The following PIKFYVE variants were observed in gnomAD, a reference collection of about 807,000 sequenced individuals.
PIKFYVE encodes the protein 1-phosphatidylinositol 3-phosphate 5-kinase.
Under a neutral mutation model 257.9 loss-of-function variants are expected in PIKFYVE, and 122 were observed. The observed-to-expected ratio is 0.47, with a 90% CI of 0.41 to 0.55. The LOEUF (loss-of-function observed/expected upper bound fraction) is 0.55. Among genes scored for constraint, PIKFYVE ranks in the 20% least tolerant of loss-of-function variants. The probability of loss-of-function intolerance (pLI) is 0.00; values close to 1 mark genes in which losing one functional copy is unlikely to be tolerated. For missense variants in PIKFYVE, 2,160 were observed against 2,536.6 expected, an observed-to-expected ratio of 0.85 and a Z score of 3.19; for synonymous variants, 892 against 868.9, an observed-to-expected ratio of 1.03 and a Z score of -0.47.
At chr2:208,314,477 C>T in intron 14 of PIKFYVE, 54 bp downstream of exon 14, 1 of 1,548,402 alleles carries the variant, frequency 6.5e-7, no homozygotes, top group Non-Finnish European at 8.8e-7. Context: ...TCTTCAGTGA[C>T]TTGATAAGCA....
At chr2:208,328,415 T>C (rs916627962) in intron 21 of PIKFYVE, 135 bp downstream of exon 21, 12 of 1,047,234 alleles carry the variant, frequency 1.1e-5, no homozygotes, top group Non-Finnish European at 1.7e-5. Context: ...TATGAATTGA[T>C]AGAACTTTTA....
chr2:208,317,772 G>GT (rs1695715884), intron 15 of PIKFYVE, 95 bp from the exon 16 acceptor site: 10 of 1,222,670 alleles, frequency 8.2e-6, no homozygotes, highest in East Asian at 7.1e-5. Context: ...TTACATAATA[G>GT]TTTAAAAAAA....
chr2:208,302,676 T>C (rs990686726), intron 10 of PIKFYVE: 17 of 333,804 alleles, frequency 5.1e-5, no homozygotes, highest in Non-Finnish European at 5.8e-5. Flanking sequence ...TTAACTTTAA[T>C]GGTTTTTGGT....
chr2:208,298,770 A>C lies in PIKFYVE; in HGVS notation c.1041A>C (p.Lys347Asn). The C allele has an allele frequency of 6.2e-7, 1 of 1,614,056 alleles. No homozygotes were observed. Among genetic ancestry groups the C allele is most frequent in the Non-Finnish European group, 8.5e-7 (1 of 1,179,970 alleles). The change falls in exon 8 of 42, where the codon AAA becomes AAC. Residue 347 changes from lysine to asparagine, a missense_variant. By Grantham distance (94) the Lys-to-Asn change is moderately conservative (BLOSUM62 0). Around this residue, in one of 12 missense-constraint regions of PIKFYVE, gnomAD observed 187 missense variants for 185.6 expected, o/e 1.01. Coordinates refer to ENST00000264380, the MANE Select transcript of PIKFYVE (RefSeq NM_015040.4). ...CAGAGACCACTGAGGATGAACGCAA[A>C]ATTCTTCTGGTACTGGTCCAGTATC... ...VRTETTEDER[K>N]ILLDSVQLKD...
At chr2:208,326,737 A>G (rs1044485561) in intron 20 of PIKFYVE, among the ~76,000 whole-genome samples, 2 of 152,224 alleles carry the variant, frequency 1.3e-5, no homozygotes, top group African/African-American at 4.8e-5. Context: ...TGGATGTGGT[A>G]TGATAATCCT....
Position 208,273,623 on chromosome 2 carries a change from G to C in PIKFYVE, c.212G>C (p.Ser71Thr). 6.2e-7 allele frequency: 1 copy of C among 1,614,170 alleles called. No individual in the cohort carries two copies. The highest frequency in any genetic ancestry group is 8.5e-7 in the Non-Finnish European group (1 of 1,180,044). ...GGCCAGGGAGAACAGCAGCCTTTGA[G>C]TGGAAGTTGGACCAGCCCTCAGCTC... The part of the protein sequence containing the change: ...EGGQGEQQPL[S>T]GSWTSPQLPS... Residue 71 changes from serine (S) to threonine (T), a missense_variant, in exon 3 of 42, where the codon AGT (serine) becomes ACT (threonine). By Grantham distance (58) the Ser-to-Thr change is moderately conservative (BLOSUM62 1). Around this residue, in one of 12 missense-constraint regions of PIKFYVE, gnomAD observed 172 missense variants for 180.6 expected, o/e 0.95. Transcript: ENST00000264380.
intron 35 of PIKFYVE, among the ~76,000 whole-genome samples, chr2:208,349,602 TA>T (rs1181909039): frequency 2.0e-5 from 3 of 151,376 alleles, no homozygotes; most frequent in Non-Finnish European, 4.4e-5. Flanking sequence ...TTTTATAAAA[TA>T]ATATTTTATG....
At chr2:208,339,873 C>T (rs1163702659) in intron 30 of PIKFYVE, 138 bp from the exon 31 acceptor site, 17 of 1,078,426 alleles carry the variant, frequency 1.6e-5, no homozygotes, top group Admixed American at 2.5e-5. Flanking sequence ...GGTCTTTTCC[C>T]TTGATCAGAA....
chr2:208,299,789 T>C (rs1290067426), intron 8 of PIKFYVE, among the ~76,000 whole-genome samples: 3 of 152,242 alleles, frequency 2.0e-5, no homozygotes, highest in African/African-American at 7.2e-5. Context: ...CATAAAATAC[T>C]GTGTTCAATT....
rs1700201848 is a variant in PIKFYVE at position 208,357,090 on chromosome 2, TA to T, written c.*1790del. 1 of 152,236 alleles carries T rather than the reference TA, an allele frequency of 6.6e-6. No individual in the cohort carries two copies. Among genetic ancestry groups the T allele is most frequent in the South Asian group, 2.1e-4 (1 of 4,834 alleles). The allele number at this position is 152,236 out of a possible 1,614,324, so 9.4% of individuals were successfully genotyped here. ...ATGCTAAGTTCCACTTGGCCCCTTT[TA>T]AAAACGTGTATGTGCCTTTTGAAGA... is the stretch of plus-strand genomic sequence containing the variant. On this transcript the variant is annotated 3_prime_UTR_variant, in exon 42 of 42. Coordinates refer to ENST00000264380, the MANE Select transcript of PIKFYVE (RefSeq NM_015040.4).
chr2:208,329,850 C>T lies in PIKFYVE; in HGVS notation c.3728C>T (p.Thr1243Ile), dbSNP rs752007442. ...PSACVSPWIV[T>I]MEFYGKNDLT... Reference sequence around the variant, plus strand: ...GGTGGTCTCTTCTTTAGGATTGTAACAATGGAATTTTATGGAAAGAATGAT... The same window carrying T: ...GGTGGTCTCTTCTTTAGGATTGTAATAATGGAATTTTATGGAAAGAATGAT... The change falls in exon 22 of 42, where the codon ACA becomes ATA. Residue 1243 changes from threonine (T) to isoleucine (I), a missense_variant. This residue lies in a region of PIKFYVE where 522 missense variants were observed against 514.6 expected (regional missense o/e 1.01). Coordinates refer to ENST00000264380, the MANE Select transcript of PIKFYVE (RefSeq NM_015040.4). The T allele has an allele frequency of 9.3e-6, 15 of 1,610,572 alleles. No individual in the cohort carries two copies. The South Asian group carries it at 1.6e-4, about 18-fold the overall frequency.
chr2:208,292,327 G>A (rs547413669), intron 7 of PIKFYVE, among the ~76,000 whole-genome samples: 2 of 152,210 alleles, frequency 1.3e-5, no homozygotes, highest in Admixed American at 6.5e-5. Flanking sequence ...TAATGGTGTT[G>A]TTGAGTTCAG....
chr2:208,308,437 T>G (rs115284379), intron 12 of PIKFYVE, among the ~76,000 whole-genome samples: 1 of 151,896 alleles, frequency 6.6e-6, no homozygotes, highest in Admixed American at 6.6e-5. Flanking sequence ...TTATTCTTAG[T>G]GGTGAGAACC....
chr2:208,272,260 T>C (rs552053626), intron 2 of PIKFYVE, among the ~76,000 whole-genome samples: 17 of 151,856 alleles, frequency 1.1e-4, no homozygotes, highest in Non-Finnish European at 2.4e-4. Context: ...AATAAAAAAC[T>C]AAATGTTAAA....
At chr2:208,298,822 A>G in intron 8 of PIKFYVE, 43 bp downstream of exon 8, 1 of 1,610,882 alleles carries the variant, frequency 6.2e-7, no homozygotes, top group South Asian at 1.1e-5. Context: ...TTTTGAGCAT[A>G]GAGAATGTTC....
chr2:208,335,598 C>CTAA (rs887585391), intron 25 of PIKFYVE, among the ~76,000 whole-genome samples, 179 bp downstream of exon 25: 15 of 152,144 alleles, frequency 9.9e-5, no homozygotes, highest in Admixed American at 2.0e-4. Flanking sequence ...AAGCCAAACT[C>CTAA]TTTTAGACAT....
intron 7 of PIKFYVE, among the ~76,000 whole-genome samples, chr2:208,290,737 A>G (rs762404728): frequency 6.6e-6 from 1 of 152,194 alleles, no homozygotes; most frequent in Non-Finnish European, 1.5e-5. Context: ...CCTACCAGCA[A>G]TGAATGAGAG....
At chr2:208,281,207 T>G (rs1423629399) in intron 5 of PIKFYVE, among the ~76,000 whole-genome samples, 1 of 152,236 alleles carries the variant, frequency 6.6e-6, no homozygotes, top group Admixed American at 6.5e-5. Context: ...TTTGGATGCC[T>G]TCTTCTATAA....
rs145099881 is a variant in PIKFYVE at position 208,325,520 on chromosome 2, A to G, written c.2709A>G (p.Gln903=). ...IEGRGHEGAV[Q]EQYGGGSIPW... ...GACGAGGGCATGAGGGGGCTGTCCA[A>G]GAGCAGTACGGTGGAGGTTCCATCC... The change falls in exon 20 of 42, where the codon CAA becomes CAG. Residue 903 remains glutamine (Q), a synonymous_variant. Transcript: ENST00000264380. The G allele has an allele frequency of 2.4e-5, 38 of 1,614,066 alleles. No homozygotes were observed. In the African/African-American group the frequency reaches 5.1e-4, roughly 22 times the overall value.
Sources: allele counts gnomAD v4.1 joint callset (sites outside exome capture counted in the v4.1 genomes callset), GRCh38; gene constraint gnomAD v4.1.1; regional missense constraint gnomAD v4.1.1; transcripts MANE v1.5; gene names NCBI Gene and HGNC (gene_info 2026-07-23, HGNC 2026-07-21).